The following ART3 variants were observed in gnomAD, a reference collection of about 807,000 sequenced individuals.
ART3 encodes the protein ecto-ADP-ribosyltransferase 3.
A neutral mutation model predicts 48.5 loss-of-function variants in ART3; 49 were observed. The ratio of observed to expected loss-of-function variants is 1.01; its 90% confidence interval spans 0.80 to 1.28. The LOEUF is 1.28. Ranked by LOEUF, ART3 falls within the 50% of genes most tolerant of loss-of-function variation. The pLI is 0.00. For missense variants in ART3, 438 were observed against 454.3 expected, an observed-to-expected ratio of 0.96 and a Z score of 0.33; for synonymous variants, 145 against 157.2, an observed-to-expected ratio of 0.92 and a Z score of 0.58.
In ART3 at chr4:76,038,250, ATTG is replaced by A. The variant is rs1158430580; in HGVS notation, c.-10+26935_-10+26937del. On this transcript the variant is annotated intron_variant, in intron 1 of 9. Transcript: ENST00000341029. Reference sequence around the variant, plus strand: ...AGTCACTTAACTTTTATTACAGAATATTGTTGTAATTATTCTATATATTAATGT... The same window carrying A: ...AGTCACTTAACTTTTATTACAGAATATTGTAATTATTCTATATATTAATGT... 5.9e-5 allele frequency among the ~76,000 whole-genome samples: 9 copies of A among 152,306 alleles called. No individual in the cohort carries two copies. The East Asian group carries it at 1.2e-3, about 20-fold the overall frequency.
rs779849511 is a variant in ART3 at position 76,040,450 on chromosome 4, A to ACGCG, written c.-10+29131_-10+29132insGCGC. ...ACATACACTGGATACACACACACAC[A>ACGCG]CACACACACACACACACACACACAC... is the stretch of plus-strand genomic sequence containing the variant. On this transcript the variant is annotated intron_variant, in intron 1 of 9. Transcript: ENST00000341029. 5.4e-4 allele frequency among the ~76,000 whole-genome samples: 79 copies of ACGCG among 146,218 alleles called. 1 individual carries two copies. Among genetic ancestry groups the ACGCG allele is most frequent in the African/African-American group, 1.6e-3 (61 of 39,050 alleles).
rs372908718 is a variant in ART3, at chr4:76,112,338, C to T, written c.1037-48C>T. The T allele has an allele frequency of 1.1e-5, 17 of 1,567,578 alleles. No individual in the cohort carries two copies. In the African/African-American group the frequency reaches 2.2e-4, roughly 20 times the overall value. On this transcript the variant is annotated intron_variant, in intron 11 of 11. Coordinates refer to ENST00000355810, the MANE Select transcript of ART3 (RefSeq NM_001130016.3). The stretch of plus-strand genomic sequence containing the variant: ...GGATATATTTTATAGGTGGATGATA[C>T]TTGACATAAAAAATGATGTGTCAGT...
chr4:76,105,891 G>GA, intron 10 of ART3: 1 of 985,396 alleles, frequency 1.0e-6, no homozygotes, highest in East Asian at 1.1e-4. Context: ...CAAGAACTGT[G>GA]AATGAGGACT....
chr4:76,041,092 T>G (rs1220538075), intron 1 of ART3: 1 of 152,258 alleles, frequency 6.6e-6, no homozygotes, highest in Middle Eastern at 3.2e-3. Context: ...GTATTAGAGA[T>G]AGAACAGTGA....
At chr4:76,062,802 C>T (rs780274959) in intron 1 of ART3, among the ~76,000 whole-genome samples, 8 of 151,868 alleles carry the variant, frequency 5.3e-5, no homozygotes, top group Admixed American at 1.3e-4. Context: ...CCTCGTGATC[C>T]GCCCACCTCA....
At position 76,021,674 on chromosome 4, in the gene ART3, C is replaced by T. The variant is rs2149371696; in HGVS notation, c.-10+10354C>T. 8.6e-6 allele frequency: 4 copies of T among 466,840 alleles called. No homozygotes were observed. In the East Asian group the frequency reaches 1.3e-4, roughly 15 times the overall value. The allele number at this position is 466,840 out of a possible 1,614,324, so 28.9% of individuals were successfully genotyped here. On this transcript the variant is annotated intron_variant, in intron 1 of 9. Coordinates refer to the ART3 transcript ENST00000341029. ...GCAGGGTCAGAACATCCACTAAGAA[C>T]ATAGCACCTCAGTAGAGCTTACATT...
At chr4:76,062,269 A>C (rs978947306) in intron 1 of ART3, among the ~76,000 whole-genome samples, 3 of 152,206 alleles carry the variant, frequency 2.0e-5, no homozygotes, top group Non-Finnish European at 2.9e-5. Flanking sequence ...AGCATTAAGT[A>C]TCTTTAGTTT....
At chr4:76,046,663 G>A (rs571697659) in intron 1 of ART3, among the ~76,000 whole-genome samples, 16 of 152,014 alleles carry the variant, frequency 1.1e-4, no homozygotes, top group African/African-American at 3.9e-4. Flanking sequence ...CCTCAAGTAG[G>A]GGACAGCAAA....
At chr4:76,039,099 A>G (rs1008888137) in intron 1 of ART3, among the ~76,000 whole-genome samples, 7 of 126,718 alleles carry the variant, frequency 5.5e-5, no homozygotes, top group Admixed American at 9.6e-5. Context: ...GGATAATAAT[A>G]GTACTTTTTT....
At chr4:76,067,231 T>C (rs1719829164) in intron 1 of ART3, among the ~76,000 whole-genome samples, 1 of 152,224 alleles carries the variant, frequency 6.6e-6, no homozygotes, top group South Asian at 2.1e-4. Flanking sequence ...TTTTCTAAAA[T>C]CAAAGTTGTC....
intron 1 of ART3, chr4:76,041,025 C>T (rs1386795959): frequency 2.0e-5 from 3 of 152,228 alleles, no homozygotes; most frequent in African/African-American, 7.2e-5. Context: ...TTCATTTACT[C>T]ATTCATTCAG....
At chr4:76,014,477 G>T (rs1732080556) in intron 1 of ART3, among the ~76,000 whole-genome samples, 1 of 152,200 alleles carries the variant, frequency 6.6e-6, no homozygotes, top group African/African-American at 2.4e-5. Context: ...CTGAAGATAG[G>T]ACAATTGAAA....
chr4:76,054,206 A>C (rs1718456518), intron 1 of ART3, among the ~76,000 whole-genome samples: 2 of 152,212 alleles, frequency 1.3e-5, no homozygotes, highest in African/African-American at 4.8e-5. Flanking sequence ...AAAGAGAATA[A>C]ATGCACAAAG....
chr4:76,068,254 C>T (rs992772036), intron 1 of ART3, among the ~76,000 whole-genome samples: 1 of 152,124 alleles, frequency 6.6e-6, no homozygotes, highest in Non-Finnish European at 1.5e-5. Context: ...GTAACATCTA[C>T]TACAATCATG....
chr4:76,048,004 C>G (rs552070038), intron 1 of ART3, among the ~76,000 whole-genome samples: 1 of 151,972 alleles, frequency 6.6e-6, no homozygotes, highest in South Asian at 2.1e-4. Context: ...TTCCCCTCCC[C>G]CTACAGCTTG....
At chr4:76,012,395 A>G (rs1192878406) in intron 1 of ART3, among the ~76,000 whole-genome samples, 1 of 152,204 alleles carries the variant, frequency 6.6e-6, no homozygotes, top group Non-Finnish European at 1.5e-5. Context: ...ATTTCTTGAA[A>G]GTCTTAGAAG....
intron 1 of ART3, among the ~76,000 whole-genome samples, chr4:76,024,597 G>A (rs941967642): frequency 1.3e-5 from 2 of 152,150 alleles, no homozygotes; most frequent in African/African-American, 4.8e-5. Flanking sequence ...CCTGAGAGTG[G>A]AAATTTAGCA....
intron 1 of ART3, among the ~76,000 whole-genome samples, chr4:76,042,198 T>A (rs7689664): frequency 0.61 from 92,982 of 152,052 alleles, 29,509 homozygotes; most frequent in East Asian, 0.94. Flanking sequence ...TGTAGAATTT[T>A]AAAATGTTTC....
At chr4:76,057,693 A>G (rs961621755) in intron 1 of ART3, among the ~76,000 whole-genome samples, 1 of 152,202 alleles carries the variant, frequency 6.6e-6, no homozygotes, top group African/African-American at 2.4e-5. Context: ...CCAGTGTCAC[A>G]TGGCTGTGAA....
Sources: allele counts gnomAD v4.1 joint callset (sites outside exome capture counted in the v4.1 genomes callset), GRCh38; gene constraint gnomAD v4.1.1; transcripts MANE v1.5; gene names NCBI Gene and HGNC (gene_info 2026-07-23, HGNC 2026-07-21).